Variants in GLB1L3 observed in about 807,000 individuals in gnomAD.
The protein encoded by GLB1L3 is galactosidase beta 1 like 3, also known as beta-galactosidase-1-like protein 3.
In GLB1L3, 89 loss-of-function variants were observed where a neutral mutation model predicts 89.5. The ratio of observed to expected loss-of-function variants is 0.99; its 90% CI spans 0.84 to 1.19. The LOEUF (loss-of-function observed/expected upper bound fraction) is 1.19. Ranked by LOEUF, GLB1L3 falls within the 50% of genes most tolerant of loss-of-function variation. The pLI, the probability that GLB1L3 is intolerant of heterozygous loss-of-function variation, is 0.00. For missense variants in GLB1L3, 812 were observed against 813.3 expected (o/e 1.00, Z 0.02); for synonymous variants, 314 against 312.3 (o/e 1.01, Z -0.06).
intron 10 of GLB1L3, among the ~76,000 whole-genome samples, chr11:134,308,214 CCATCACCATCACCACCACCACCAT>C (rs1942331399): frequency 3.5e-5 from 1 of 28,532 alleles, no homozygotes; most frequent in Non-Finnish European, 7.5e-5. Flanking sequence ...ACCACCACCA[CCATCACCATCACCACCACCACCAT>C]CACCATCACC....
chr11:134,309,939 C>A, intron 11 of GLB1L3, 176 bp downstream of exon 11: 2 of 690,672 alleles, frequency 2.9e-6, no homozygotes, highest in Non-Finnish European at 2.4e-6. Context: ...CCCCAACAGG[C>A]TGTCATTGCA....
chr11:134,313,360 G>A lies in GLB1L3; in HGVS notation c.1501-36G>A, dbSNP rs765739385. On this transcript the variant is annotated intron_variant, in intron 15 of 19. Coordinates refer to ENST00000431683, the MANE Select transcript of GLB1L3 (RefSeq NM_001080407.3). The stretch of plus-strand genomic sequence containing the variant: ...GGTTGTCGGGTAGACGCCCTCCATG[G>A]CTGCGTGGTCTCCATGACCTGGCCT... The A allele has an allele frequency of 6.3e-5, 96 of 1,525,610 alleles. No individual in the cohort carries two copies. In the South Asian group the frequency reaches 1.1e-3, roughly 17 times the overall value. The allele number at this position is 1,525,610 out of a possible 1,614,324, so 94.5% of individuals were successfully genotyped here.
intron 6 of GLB1L3, among the ~76,000 whole-genome samples, chr11:134,285,524 G>C (rs10894793): frequency 0.19 from 29,290 of 152,024 alleles, 2,992 homozygotes; most frequent in South Asian, 0.32. Context: ...GGTGGCTCAC[G>C]GCTGTAATCC....
intron 11 of GLB1L3, chr11:134,309,987 C>G (rs2136215877): frequency 1.8e-6 from 1 of 570,730 alleles, no homozygotes; most frequent in East Asian, 2.9e-5. Flanking sequence ...CTCCGCTTCA[C>G]ACATCTGGTA....
At chr11:134,316,676 C>T (rs1372570232) in intron 18 of GLB1L3, 1 of 152,028 alleles carries the variant, frequency 6.6e-6, no homozygotes, top group Non-Finnish European at 1.5e-5. Context: ...CAAATTAAGC[C>T]CAACAAAAGA....
At chr11:134,277,022 C>T (rs898832332) in intron 1 of GLB1L3, 5 of 566,470 alleles carry the variant, frequency 8.8e-6, no homozygotes, top group African/African-American at 7.7e-5. Context: ...GCACCGTGTC[C>T]TTCCCGAACC....
chr11:134,309,688 C>T lies in GLB1L3; in HGVS notation c.1024C>T (p.His342Tyr). 6.2e-7 allele frequency: 1 copy of T among 1,613,046 alleles called. No homozygotes were observed. The highest frequency in any genetic ancestry group is 8.5e-7 in the Non-Finnish European group (1 of 1,179,462). Reference sequence around the variant, plus strand: ...GATCTCCTTCAATGTATATATGTTCCATGGTGGAACCAACTTTGGTTTCAT... The same window carrying T: ...GATCTCCTTCAATGTATATATGTTCTATGGTGGAACCAACTTTGGTTTCAT... ...YEISFNVYMF[H>Y]GGTNFGFMNG... is the part of the protein sequence containing the mutation. The change falls in exon 11 of 20, where the codon CAT becomes TAT. Residue 342 changes from histidine (H) to tyrosine (Y), a missense_variant. Physicochemically the swap from His to Tyr is moderately conservative, Grantham distance 83 (BLOSUM62 2). Around this residue, in one of 3 missense-constraint regions of GLB1L3, gnomAD observed 618 missense variants for 604.0 expected, o/e 1.02. Coordinates refer to ENST00000431683, the MANE Select transcript of GLB1L3 (RefSeq NM_001080407.3).
chr11:134,314,303 T>TCCC (rs1565421601), intron 17 of GLB1L3, 27 bp from the exon 18 acceptor site: 1 of 1,473,690 alleles, frequency 6.8e-7, no homozygotes, highest in East Asian at 2.5e-5. Flanking sequence ...GGACTTCTTC[T>TCCC]CCCCCATGGC....
Position 134,277,307 on chromosome 11 carries a change from T to C in GLB1L3, c.24-19T>C, listed in dbSNP as rs377753637. ...GGCCGGAACCTTCCCCTTGTCACTG[T>C]TGTCCTTTCTCCTTTCAGCCCGTGT... On this transcript the variant is annotated intron_variant, in intron 1 of 19. Coordinates refer to ENST00000431683, the MANE Select transcript of GLB1L3 (RefSeq NM_001080407.3). 2 of 1,613,786 alleles carry C rather than the reference T, an allele frequency of 1.2e-6. No individual in the cohort carries two copies. Among genetic ancestry groups the C allele is most frequent in the African/African-American group, 2.7e-5 (2 of 75,074 alleles).
At chr11:134,287,121 A>G (rs1487269936) in intron 6 of GLB1L3, 3 of 152,214 alleles carry the variant, frequency 2.0e-5, no homozygotes, top group African/African-American at 7.2e-5. Context: ...AGATGGCGCC[A>G]CCGCACTCCA....
intron 9 of GLB1L3, 38 bp downstream of exon 9, chr11:134,293,247 C>T (rs1941459468): frequency 6.7e-7 from 1 of 1,483,076 alleles, no homozygotes; most frequent in Non-Finnish European, 9.4e-7. Flanking sequence ...TACAGCTCCT[C>T]CTACCATGAC....
At chr11:134,293,044 A>G (rs937887568) in intron 8 of GLB1L3, 101 bp from the exon 9 acceptor site, 6 of 886,310 alleles carry the variant, frequency 6.8e-6, no homozygotes, top group African/African-American at 1.6e-5. Context: ...ACTGCTGAGC[A>G]TGGGTTCCTC....
At chr11:134,300,435 C>G (rs979384828) in intron 9 of GLB1L3, among the ~76,000 whole-genome samples, 1 of 151,524 alleles carries the variant, frequency 6.6e-6, no homozygotes, top group African/African-American at 2.4e-5. Context: ...TGGGTTCACA[C>G]CATTCTCCTG....
At chr11:134,311,787 T>C (rs530111006) in intron 13 of GLB1L3, 1 of 152,760 alleles carries the variant, frequency 6.5e-6, no homozygotes, top group African/African-American at 2.4e-5. Context: ...TATTTTAGAA[T>C]ACAATTTATT....
intron 6 of GLB1L3, among the ~76,000 whole-genome samples, chr11:134,286,667 C>G (rs961931182): frequency 6.6e-6 from 1 of 150,606 alleles, no homozygotes. Flanking sequence ...GTCCCAGCTA[C>G]TCGGGAGGCT....
At position 134,279,364 on chromosome 11, in the gene GLB1L3, CTTT is replaced by C. The variant is rs10577769; in HGVS notation, c.362+1470_362+1472del. Among the ~76,000 whole-genome samples, 384 of 108,330 alleles carry C rather than the reference CTTT, an allele frequency of 3.5e-3. 1 individual carries two copies. The highest frequency in any genetic ancestry group is 0.015 in the South Asian group (44 of 2,924). The allele number at this position is 108,330 out of a possible 152,430, so 71.1% of individuals were successfully genotyped here. ...TCTTTTTTCTTTCTGTTTTCTTTTTCTTTTTTTTTTTTTTTTTTTTGAGATAGA... is the reference window on the plus strand; with the variant it reads ...TCTTTTTTCTTTCTGTTTTCTTTTTCTTTTTTTTTTTTTTTTTGAGATAGA... On this transcript the variant is annotated intron_variant, in intron 3 of 19. Transcript: ENST00000431683.
At chr11:134,305,842 A>G (rs1214211590) in intron 9 of GLB1L3, among the ~76,000 whole-genome samples, 1 of 152,152 alleles carries the variant, frequency 6.6e-6, no homozygotes, top group Non-Finnish European at 1.5e-5. Flanking sequence ...TTGAAATTAA[A>G]AATCTAATAT....
At chr11:134,310,953 A>G in intron 12 of GLB1L3, 111 bp from the exon 13 acceptor site, 5 of 758,766 alleles carry the variant, frequency 6.6e-6, no homozygotes, top group South Asian at 6.4e-5. Context: ...CATGGATGAC[A>G]TAGTAACCCC....
chr11:134,309,813 T>G lies in GLB1L3; in HGVS notation c.1099+50T>G, dbSNP rs763177902. On this transcript the variant is annotated intron_variant, in intron 11 of 19. Transcript: ENST00000431683. The stretch of plus-strand genomic sequence containing the variant: ...TCTCCAGCATGGGCGGTGCTGGGGC[T>G]TTACAGAGGAGGCTCCGGAAGCCTG... 4 of 1,597,524 alleles carry G rather than the reference T, an allele frequency of 2.5e-6. No homozygotes were observed. The East Asian group carries it at 9.0e-5, about 36-fold the overall frequency.
Sources: gnomAD v4.1 joint callset for allele counts (sites outside exome capture counted in the v4.1 genomes callset) on GRCh38, gnomAD v4.1.1 for gene constraint, gnomAD v4.1.1 regional missense constraint, MANE v1.5 for transcripts, NCBI Gene and HGNC (gene_info 2026-07-23, HGNC 2026-07-21) for gene names.